ADGRL4: variants seen among roughly 807,000 people sequenced by gnomAD.
ADGRL4 encodes the protein adhesion G protein-coupled receptor L4, also known as EGF, latrophilin and seven transmembrane domain containing 1.
ADGRL4 carries 90 observed loss-of-function variants against 74.8 expected under a neutral mutation model. The ratio of observed to expected loss-of-function variants is 1.20; its 90% CI spans 1.02 to 1.43. ADGRL4 has a LOEUF of 1.43. Among genes scored for constraint, ADGRL4 ranks in the 40% most tolerant of loss-of-function variants. ADGRL4 has a pLI of 0.00. For missense variants in ADGRL4, 881 were observed against 814.3 expected (o/e 1.08, Z -1.00); for synonymous variants, 311 against 279.2 (o/e 1.11, Z -1.14).
At chr1:79,006,568 T>C in intron 1 of ADGRL4, 65 bp downstream of exon 1, 1 of 1,523,742 alleles carries the variant, frequency 6.6e-7, no homozygotes, top group Non-Finnish European at 8.8e-7. Context: ...TCTTAAAAAA[T>C]CCAGTCCCCT....
At chr1:78,985,271 C>T (rs1354661510) in intron 2 of ADGRL4, among the ~76,000 whole-genome samples, 2 of 151,612 alleles carry the variant, frequency 1.3e-5, no homozygotes, top group East Asian at 3.9e-4. Flanking sequence ...TGATAGGTGT[C>T]CATGCATAGA....
chr1:78,954,176 T>A (rs61770703), intron 2 of ADGRL4, among the ~76,000 whole-genome samples: 17 of 151,638 alleles, frequency 1.1e-4, no homozygotes, highest in African/African-American at 3.2e-4. Context: ...AAATAAATAA[T>A]AAATAAATAG....
rs78778524 is a variant in ADGRL4, at chr1:78,999,348, C to T, written c.172+5722G>A. On this transcript the variant is annotated intron_variant, in intron 2 of 14. Transcript: ENST00000370742. ...GCTATTTCTTTAGTCACCTTTCTAC[C>T]AGAATTTTCATGGAAAAGCAGCAGG... Among the ~76,000 whole-genome samples the T allele has an allele frequency of 1.3e-3, 191 of 152,232 alleles. 1 individual carries two copies. The highest frequency in any genetic ancestry group is 4.3e-3 in the African/African-American group (179 of 41,528).
intron 12 of ADGRL4, among the ~76,000 whole-genome samples, chr1:78,909,001 T>G (rs1291525028): frequency 6.6e-6 from 1 of 151,860 alleles, no homozygotes; most frequent in African/African-American, 2.4e-5. Context: ...CAGCTATCTA[T>G]TGTTTCAAGA....
intron 12 of ADGRL4, among the ~76,000 whole-genome samples, chr1:78,902,592 G>A: frequency 6.6e-6 from 1 of 151,976 alleles, no homozygotes; most frequent in East Asian, 1.9e-4. Flanking sequence ...CTAAGATGAA[G>A]GAAACAATAA....
intron 2 of ADGRL4, among the ~76,000 whole-genome samples, chr1:78,996,966 G>T (rs1466493914): frequency 6.6e-6 from 1 of 152,174 alleles, no homozygotes; most frequent in Non-Finnish European, 1.5e-5. Flanking sequence ...GTCACAAAAT[G>T]AGTTTGAGTT....
chr1:78,891,701 T>C lies in ADGRL4; in HGVS notation c.1842-9A>G, dbSNP rs758674490. 5.0e-6 allele frequency: 8 copies of C among 1,599,866 alleles called. No individual in the cohort carries two copies. The highest frequency in any genetic ancestry group is 6.8e-6 in the Non-Finnish European group (8 of 1,175,358). On this transcript the variant is annotated splice_polypyrimidine_tract_variant and intron_variant, in intron 13 of 14. Transcript: ENST00000370742. Reference sequence around the variant, plus strand: ...CTCCTCTTGCACAAGACCTATCACATATGAGAAATGCGTCAGTGAAGAAAG... The same window carrying C: ...CTCCTCTTGCACAAGACCTATCACACATGAGAAATGCGTCAGTGAAGAAAG...
intron 7 of ADGRL4, among the ~76,000 whole-genome samples, chr1:78,934,305 G>A (rs1262087581): frequency 6.6e-6 from 1 of 152,094 alleles, no homozygotes; most frequent in Non-Finnish European, 1.5e-5. Context: ...AAAGGGGAAA[G>A]GATCTCTTAT....
chr1:78,933,457 A>G (rs1273112843), intron 7 of ADGRL4, among the ~76,000 whole-genome samples: 4 of 151,442 alleles, frequency 2.6e-5, no homozygotes, highest in Non-Finnish European at 2.9e-5. Context: ...TTTATGACAA[A>G]CCCACAGCCA....
At chr1:78,949,645 C>T (rs1306342177) in intron 2 of ADGRL4, among the ~76,000 whole-genome samples, 1 of 152,056 alleles carries the variant, frequency 6.6e-6, no homozygotes, top group African/African-American at 2.4e-5. Context: ...AATAATTAAT[C>T]TTCAAGGAGA....
chr1:78,895,405 CAGAT>C (rs1296014773), intron 12 of ADGRL4, among the ~76,000 whole-genome samples: 2 of 151,990 alleles, frequency 1.3e-5, no homozygotes, highest in African/African-American at 4.8e-5. Flanking sequence ...TATTGAGAAA[CAGAT>C]AGTAAACAAA....
chr1:78,955,210 A>G (rs1442438671), intron 2 of ADGRL4, among the ~76,000 whole-genome samples: 2 of 152,094 alleles, frequency 1.3e-5, no homozygotes, highest in Admixed American at 1.3e-4. Context: ...ACCCTCTTGT[A>G]TATTTACATG....
chr1:78,962,020 G>T (rs1038302730), intron 2 of ADGRL4, among the ~76,000 whole-genome samples: 2 of 151,790 alleles, frequency 1.3e-5, no homozygotes, highest in East Asian at 1.9e-4. Context: ...AGCTGGGATT[G>T]CAGGCATGCG....
At chr1:78,903,601 A>C (rs1030745229) in intron 12 of ADGRL4, among the ~76,000 whole-genome samples, 22 of 152,278 alleles carry the variant, frequency 1.4e-4, no homozygotes, top group Admixed American at 1.0e-3. Flanking sequence ...AGAAGTTTCT[A>C]GTAATGTTTT....
At chr1:78,959,648 T>C (rs1649905274) in intron 2 of ADGRL4, among the ~76,000 whole-genome samples, 1 of 152,180 alleles carries the variant, frequency 6.6e-6, no homozygotes, top group African/African-American at 2.4e-5. Flanking sequence ...AGCAAGCACC[T>C]TATAGAAGTG....
chr1:78,941,813 A>G (rs1023346941), intron 3 of ADGRL4, among the ~76,000 whole-genome samples: 3 of 152,186 alleles, frequency 2.0e-5, no homozygotes, highest in Non-Finnish European at 4.4e-5. Context: ...TCCTGCAGGA[A>G]AAGTCTCCGG....
At chr1:78,940,920 T>G (rs1342687541) in intron 3 of ADGRL4, among the ~76,000 whole-genome samples, 2 of 152,114 alleles carry the variant, frequency 1.3e-5, no homozygotes, top group African/African-American at 4.8e-5. Context: ...TAAAGAAAGC[T>G]CCATTCACTA....
At chr1:78,949,477 G>A (rs1474537908) in intron 2 of ADGRL4, among the ~76,000 whole-genome samples, 1 of 151,992 alleles carries the variant, frequency 6.6e-6, no homozygotes, top group Non-Finnish European at 1.5e-5. Context: ...ATTCCCTAAT[G>A]TTCCAACTCA....
At chr1:78,926,764 T>G in intron 8 of ADGRL4, 122 bp downstream of exon 8, 1 of 722,006 alleles carries the variant, frequency 1.4e-6, no homozygotes, top group Non-Finnish European at 2.2e-6. Flanking sequence ...TACTTCACTC[T>G]TTTAATTTCA....
Sources: gnomAD v4.1 joint callset for allele counts (sites outside exome capture counted in the v4.1 genomes callset) on GRCh38, gnomAD v4.1.1 for gene constraint, MANE v1.5 for transcripts, NCBI Gene and HGNC (gene_info 2026-07-23, HGNC 2026-07-21) for gene names.